The following ALKAL1 variants were observed in gnomAD, a reference collection of about 807,000 sequenced individuals.
ALKAL1 encodes AUG-beta.
Under a neutral mutation model 13.5 loss-of-function variants are expected in ALKAL1, and 23 were observed. The ratio of observed to expected loss-of-function variants is 1.70; its 90% CI spans 1.23 to 2.41. The LOEUF (loss-of-function observed/expected upper bound fraction) is 2.41. ALKAL1 is among the 30% of genes most tolerant of loss of function. ALKAL1 has a pLI of 0.00. For synonymous variants in ALKAL1, 85 were observed against 77.7 expected (o/e 1.09, Z -0.49); for missense variants, 181 against 178.4 (o/e 1.01, Z -0.08).
intron 4 of ALKAL1, among the ~76,000 whole-genome samples, chr8:52,537,090 G>GT (rs1307420567): frequency 4.6e-5 from 7 of 152,018 alleles, no homozygotes; most frequent in African/African-American, 1.7e-4. Context: ...ACCTGACAAG[G>GT]GACTAATATC....
At chr8:52,538,625 T>C (rs916451995) in intron 3 of ALKAL1, 118 bp from the exon 4 acceptor site, 3 of 649,308 alleles carry the variant, frequency 4.6e-6, no homozygotes, top group African/African-American at 3.7e-5. Context: ...ATACCTACTA[T>C]GTTAAGTGCT....
At chr8:52,559,835 C>T (rs960831232) in intron 1 of ALKAL1, among the ~76,000 whole-genome samples, 4 of 152,020 alleles carry the variant, frequency 2.6e-5, no homozygotes, top group African/African-American at 9.7e-5. Context: ...AATTTTAATT[C>T]TATATGTCCA....
chr8:52,558,081 G>A (rs1434439828), intron 1 of ALKAL1, among the ~76,000 whole-genome samples: 3 of 151,680 alleles, frequency 2.0e-5, no homozygotes, highest in Non-Finnish European at 2.9e-5. Flanking sequence ...ATCACTTGAG[G>A]TCAGGAGTTC....
intron 1 of ALKAL1, among the ~76,000 whole-genome samples, chr8:52,560,368 C>G (rs1441703897): frequency 1.3e-5 from 2 of 152,160 alleles, no homozygotes; most frequent in South Asian, 4.1e-4. Context: ...ACTCTACTTA[C>G]TACCCACTAC....
intron 1 of ALKAL1, among the ~76,000 whole-genome samples, chr8:52,546,257 G>A (rs1847367452): frequency 6.6e-6 from 1 of 152,148 alleles, no homozygotes. Context: ...TGTGAATAAA[G>A]CTCTGCTGCA....
chr8:52,541,568 G>T (rs536155327), intron 2 of ALKAL1, among the ~76,000 whole-genome samples: 1 of 152,226 alleles, frequency 6.6e-6, no homozygotes, highest in Non-Finnish European at 1.5e-5. Context: ...AGGAGTTTGA[G>T]ACCAGCCTGG....
intron 1 of ALKAL1, among the ~76,000 whole-genome samples, chr8:52,551,721 ATTAT>A (rs1191807547): frequency 1.3e-5 from 2 of 152,102 alleles, no homozygotes; most frequent in Middle Eastern, 3.2e-3. Flanking sequence ...GAAAAAATAA[ATTAT>A]TTATTTATAA....
intron 1 of ALKAL1, 41 bp from the exon 2 acceptor site, chr8:52,542,486 T>C (rs1847324357): frequency 8.2e-7 from 1 of 1,216,264 alleles, no homozygotes; most frequent in Admixed American, 2.1e-5. Flanking sequence ...ATTGAATGCA[T>C]TTCTCCCATT....
chr8:52,551,883 G>A (rs1334636849), intron 1 of ALKAL1, among the ~76,000 whole-genome samples: 4 of 152,136 alleles, frequency 2.6e-5, no homozygotes, highest in Non-Finnish European at 5.9e-5. Context: ...TAGATGCACA[G>A]AAAAATTACA....
chr8:52,537,423 A>G (rs542375661), intron 4 of ALKAL1, among the ~76,000 whole-genome samples: 1 of 152,306 alleles, frequency 6.6e-6, no homozygotes, highest in South Asian at 2.1e-4. Context: ...GTTTCTCAAG[A>G]ACAAAACTAA....
At chr8:52,543,150 A>T (rs979596677) in intron 1 of ALKAL1, among the ~76,000 whole-genome samples, 5 of 152,242 alleles carry the variant, frequency 3.3e-5, no homozygotes, top group Non-Finnish European at 4.4e-5. Flanking sequence ...CCATCCAGAA[A>T]ATGCAATTTA....
At chr8:52,541,046 T>A (rs1358879249) in intron 2 of ALKAL1, among the ~76,000 whole-genome samples, 1 of 152,188 alleles carries the variant, frequency 6.6e-6, no homozygotes, top group Non-Finnish European at 1.5e-5. Context: ...ATGCCAATAG[T>A]AAATATGGGG....
At chr8:52,548,122 G>A (rs746207274) in intron 1 of ALKAL1, among the ~76,000 whole-genome samples, 4 of 152,204 alleles carry the variant, frequency 2.6e-5, no homozygotes, top group Non-Finnish European at 5.9e-5. Flanking sequence ...GCCGAGGCCG[G>A]TGGATCGCCT....
rs7008167 is a variant in ALKAL1, at chr8:52,565,270, G to C, written c.-14C>G. On this transcript the variant is annotated 5_prime_UTR_variant, in exon 1 of 5. Transcript: ENST00000358543. ...AAGGGGCCGCATGTTCGCAAGCCGG[G>C]AGGAGAGAGCGGGAGACTCCGGGAG... The C allele has an allele frequency of 3.1e-4, 399 of 1,307,190 alleles. No homozygotes were observed. The highest frequency in any genetic ancestry group is 3.7e-4 in the Non-Finnish European group (381 of 1,021,134). The allele number at this position is 1,307,190 out of a possible 1,614,324, so 81.0% of individuals were successfully genotyped here. A position where few individuals can be genotyped will look rare whatever the true frequency, so the allele number is the denominator to read the frequency against.
intron 1 of ALKAL1, among the ~76,000 whole-genome samples, chr8:52,560,783 G>T (rs776367347): frequency 6.6e-6 from 1 of 152,024 alleles, no homozygotes; most frequent in Admixed American, 6.6e-5. Context: ...GAGTATTTAT[G>T]ATCCTGCTAG....
chr8:52,539,776 A>T, intron 3 of ALKAL1, 55 bp downstream of exon 3: 1 of 1,292,540 alleles, frequency 7.7e-7, no homozygotes, highest in Non-Finnish European at 1.1e-6. Context: ...GTTTAAAATT[A>T]AACGCATTTA....
At chr8:52,559,360 G>C (rs1170409015) in intron 1 of ALKAL1, among the ~76,000 whole-genome samples, 1 of 152,190 alleles carries the variant, frequency 6.6e-6, no homozygotes, top group African/African-American at 2.4e-5. Flanking sequence ...TGCAAGGATG[G>C]AGGGAGGGCA....
intron 4 of ALKAL1, among the ~76,000 whole-genome samples, chr8:52,536,683 G>T (rs1027962809): frequency 1.3e-5 from 2 of 150,386 alleles, no homozygotes; most frequent in Non-Finnish European, 3.0e-5. Context: ...TTTAAGACCT[G>T]GTTTCTTTTT....
chr8:52,547,772 G>A (rs1847385222), intron 1 of ALKAL1, among the ~76,000 whole-genome samples: 1 of 152,184 alleles, frequency 6.6e-6, no homozygotes, highest in African/African-American at 2.4e-5. Flanking sequence ...AGGATCGCTT[G>A]GGCCCAGGAG....
Sources: gnomAD v4.1 joint callset for allele counts (sites outside exome capture counted in the v4.1 genomes callset) on GRCh38, gnomAD v4.1.1 for gene constraint, MANE v1.5 for transcripts, NCBI Gene and HGNC (gene_info 2026-07-23, HGNC 2026-07-21) for gene names.